Variants in PCDHGA8 observed in about 807,000 individuals in gnomAD.
PCDHGA8 encodes the protein protocadherin gamma subfamily A, 8, also known as protocadherin gamma-A8.
In PCDHGA8, 45 loss-of-function variants were observed where a neutral mutation model predicts 59.2. That is an observed-to-expected ratio of 0.76 (90% CI 0.60 to 0.98). The LOEUF is 0.98. Ranked by LOEUF, PCDHGA8 falls within the 50% of genes least tolerant of loss-of-function variation. The probability of loss-of-function intolerance (pLI) is 0.00; values close to 1 mark genes in which losing one functional copy is unlikely to be tolerated. For synonymous variants in PCDHGA8, 531 were observed against 519.0 expected (o/e 1.02, Z -0.32); for missense variants, 1,257 against 1,196.2 (o/e 1.05, Z -0.75).
intron 1 of PCDHGA8, among the ~76,000 whole-genome samples, chr5:141,454,617 G>T (rs2098794218): frequency 6.6e-6 from 1 of 151,322 alleles, no homozygotes; most frequent in Non-Finnish European, 1.5e-5. Context: ...TGTTGGTCAG[G>T]CTGGTCTCGA....
Position 141,403,721 on chromosome 5 carries a change from C to T in PCDHGA8, c.2424+8484C>T, listed in dbSNP as rs748888364. On this transcript the variant is annotated intron_variant, in intron 1 of 3. Coordinates refer to ENST00000398604, the MANE Select transcript of PCDHGA8 (RefSeq NM_032088.2). ...AGTTAAAGTCCTTGAGAACGTGCCC[C>T]CAGGCACCTGGCTGCTTACTGCAAC... 5 of 1,613,754 alleles carry T rather than the reference C, an allele frequency of 3.1e-6. No individual in the cohort carries two copies. The highest frequency in any genetic ancestry group is 2.2e-5 in the East Asian group (1 of 44,878).
At position 141,491,687 on chromosome 5, in the gene PCDHGA8, G is replaced by T. The variant is rs946829558; in HGVS notation, c.2425-3120G>T. 6.2e-7 allele frequency: 1 copy of T among 1,613,072 alleles called. No individual in the cohort carries two copies. Among genetic ancestry groups the T allele is most frequent in the African/African-American group, 1.3e-5 (1 of 75,046 alleles). On this transcript the variant is annotated intron_variant, in intron 1 of 3. Transcript: ENST00000398604. This position sits in a 1 kb window ranked among gnomAD's most constrained non-coding sequence, Gnocchi z 6.9. ...ATCCGGTCCCGCTCTAATACGCTGC[G>T]GGAGCGGAGCCAGGTGAGGGGCTCG...
chr5:141,478,927 C>T (rs2154577116), intron 1 of PCDHGA8: 2 of 690,162 alleles, frequency 2.9e-6, no homozygotes, highest in East Asian at 6.0e-5. Flanking sequence ...TAACCAGTGG[C>T]AGCTTCTAGG....
intron 1 of PCDHGA8, chr5:141,414,831 G>C: frequency 4.3e-6 from 7 of 1,614,212 alleles, no homozygotes; most frequent in Non-Finnish European, 5.9e-6. Flanking sequence ...ACGTGTCGTT[G>C]AGCCTGTTTG....
rs1486545769 is a variant in PCDHGA8 at position 141,431,780 on chromosome 5, A to T, written c.2424+36543A>T. On this transcript the variant is annotated intron_variant, in intron 1 of 3. Coordinates refer to ENST00000398604, the MANE Select transcript of PCDHGA8 (RefSeq NM_032088.2). This position sits in a 1 kb window ranked among gnomAD's most constrained non-coding sequence, Gnocchi z 4.8. The stretch of plus-strand genomic sequence containing the variant: ...AGTCCTGATCACTGTTCTGGACGTG[A>T]ACGACAATGCCCCAGAAGTGGTCCT... 4 of 1,614,086 alleles carry T rather than the reference A, an allele frequency of 2.5e-6. No homozygotes were observed. The highest frequency in any genetic ancestry group is 3.4e-6 in the Non-Finnish European group (4 of 1,180,028).
intron 1 of PCDHGA8, chr5:141,405,031 CGTT>C: frequency 6.2e-7 from 1 of 1,613,968 alleles, no homozygotes; most frequent in Admixed American, 1.7e-5. Flanking sequence ...CCCTCTACCT[CGTT>C]GTGGCTGTGG....
At chr5:141,495,814 T>C (rs2099764028) in intron 2 of PCDHGA8, among the ~76,000 whole-genome samples, 1 of 152,134 alleles carries the variant, frequency 6.6e-6, no homozygotes, top group Non-Finnish European at 1.5e-5. Context: ...TCCTAGCGCC[T>C]TGTGTTCTTC....
intron 1 of PCDHGA8, among the ~76,000 whole-genome samples, chr5:141,460,104 T>C (rs2098982178): frequency 6.6e-6 from 1 of 151,986 alleles, no homozygotes; most frequent in African/African-American, 2.4e-5. Flanking sequence ...CATGTAATTA[T>C]ATATGATTTT....
rs369323252 is a variant in PCDHGA8 at position 141,487,658 on chromosome 5, G to T, written c.2425-7149G>T. ...TCAACAAATGCTTGAGGGTTATTCT[G>T]ATCCAGGCATATGGCTAGGCCATGT... On this transcript the variant is annotated intron_variant, in intron 1 of 3. Coordinates refer to ENST00000398604, the MANE Select transcript of PCDHGA8 (RefSeq NM_032088.2). This position sits in a 1 kb window ranked among gnomAD's most constrained non-coding sequence, Gnocchi z 5.0. The T allele has an allele frequency of 8.7e-5, 140 of 1,613,508 alleles. No individual in the cohort carries two copies. The highest frequency in any genetic ancestry group is 1.1e-4 in the Non-Finnish European group (134 of 1,179,802).
chr5:141,422,239 G>C (rs2096636040), intron 1 of PCDHGA8: 3 of 1,566,586 alleles, frequency 1.9e-6, no homozygotes, highest in East Asian at 4.5e-5. Context: ...GTTGATCACT[G>C]TTGTGGATGT....
rs572892456 is a variant in PCDHGA8, at chr5:141,427,959, C to T, written c.2424+32722C>T. On this transcript the variant is annotated intron_variant, in intron 1 of 3. Coordinates refer to ENST00000398604, the MANE Select transcript of PCDHGA8 (RefSeq NM_032088.2). Reference sequence around the variant, plus strand: ...GGGCGACCTCAATGACAATGTGCCGCGGGTGCTGTACCCCGCGCTGGGGCC... The same window carrying T: ...GGGCGACCTCAATGACAATGTGCCGTGGGTGCTGTACCCCGCGCTGGGGCC... 3.8e-6 allele frequency: 6 copies of T among 1,588,886 alleles called. No individual in the cohort carries two copies. The East Asian group carries it at 1.1e-4, about 30-fold the overall frequency.
chr5:141,392,871 C>T lies in PCDHGA8; in HGVS notation c.58C>T (p.Leu20=), dbSNP rs2092620267. The T allele has an allele frequency of 1.2e-6, 2 of 1,613,280 alleles. No individual in the cohort carries two copies. Among genetic ancestry groups the T allele is most frequent in the Admixed American group, 1.7e-5 (1 of 59,974 alleles). Residue 20 remains leucine (L), a synonymous_variant, in exon 1 of 4, where the codon CTG becomes TTG. Transcript: ENST00000398604. Reference sequence around the variant, plus strand: ...CGAGCTGATCCTGCTGTGCGCGCTGCTGGGAACGCTGTGGGAAATCGGGAG... The same window carrying T: ...CGAGCTGATCCTGCTGTGCGCGCTGTTGGGAACGCTGTGGGAAATCGGGAG... ...RGELILLCAL[L]GTLWEIGRGQ...
chr5:141,424,076 A>C, intron 1 of PCDHGA8: 2 of 979,452 alleles, frequency 2.0e-6, no homozygotes, highest in Non-Finnish European at 2.5e-6. Flanking sequence ...TTGTAGTTAT[A>C]TTCCACCATT....
At chr5:141,509,486 A>G (rs1022659275) in intron 3 of PCDHGA8, among the ~76,000 whole-genome samples, 10 of 152,132 alleles carry the variant, frequency 6.6e-5, no homozygotes, top group African/African-American at 2.4e-4. Flanking sequence ...GGTAGAGGTG[A>G]TGGCATGCTG....
Position 141,431,625 on chromosome 5 carries a change from C to T in PCDHGA8, c.2424+36388C>T. The T allele has an allele frequency of 6.2e-7, 1 of 1,614,224 alleles. No individual in the cohort carries two copies. Among genetic ancestry groups the T allele is most frequent in the South Asian group, 1.1e-5 (1 of 91,082 alleles). On this transcript the variant is annotated intron_variant, in intron 1 of 3. Transcript: ENST00000398604. This position sits in a 1 kb window ranked among gnomAD's most constrained non-coding sequence, Gnocchi z 4.8. Reference sequence around the variant, plus strand: ...TTCCGGTATGTGGACGACAAGGCGGCCCAAGTTTTCAAACTAGATTGTAAT... The same window carrying T: ...TTCCGGTATGTGGACGACAAGGCGGTCCAAGTTTTCAAACTAGATTGTAAT...
intron 1 of PCDHGA8, among the ~76,000 whole-genome samples, chr5:141,443,082 C>A (rs958408385): frequency 6.6e-6 from 1 of 151,624 alleles, no homozygotes; most frequent in African/African-American, 2.4e-5. Flanking sequence ...ACTGAGTGTT[C>A]CAGTCTCCTT....
chr5:141,409,491 C>A (rs747701093), intron 1 of PCDHGA8: 1 of 1,613,876 alleles, frequency 6.2e-7, no homozygotes, highest in East Asian at 2.2e-5. Context: ...AGGGGCAAGC[C>A]GCCTCTTTCT....
At chr5:141,456,912 G>A (rs566842808) in intron 1 of PCDHGA8, among the ~76,000 whole-genome samples, 2 of 152,206 alleles carry the variant, frequency 1.3e-5, no homozygotes, top group South Asian at 2.1e-4. Context: ...GCAGTGAGCC[G>A]AGATCGCACC....
rs1048758308 is a variant in PCDHGA8 at position 141,498,931 on chromosome 5, A to T, written c.2483+4066A>T. Among the ~76,000 whole-genome samples the T allele has an allele frequency of 6.2e-4, 88 of 141,764 alleles. 1 individual carries two copies. Among genetic ancestry groups the T allele is most frequent in the Non-Finnish European group, 1.1e-3 (70 of 64,686 alleles). 93.0% of individuals were successfully genotyped at this position (141,764 alleles called of 152,430 possible). On this transcript the variant is annotated intron_variant, in intron 2 of 3. Coordinates refer to ENST00000398604, the MANE Select transcript of PCDHGA8 (RefSeq NM_032088.2). ...CTGGGTGACAGAGCGAGACTCCATC[A>T]GGAAAGAAAGAAAGAAAAAGAGAGA... is the stretch of plus-strand genomic sequence containing the variant.
Sources: gnomAD v4.1 joint callset for allele counts (sites outside exome capture counted in the v4.1 genomes callset) on GRCh38, gnomAD v4.1.1 for gene constraint, Gnocchi (gnomAD v3.1) non-coding constraint, MANE v1.5 for transcripts, NCBI Gene and HGNC (gene_info 2026-07-23, HGNC 2026-07-21) for gene names.